Variants in CABLES2 observed in about 807,000 individuals in gnomAD.
CABLES2 encodes Cdk5 and Abl enzyme substrate 2.
In CABLES2, 35 loss-of-function variants were observed where a neutral mutation model predicts 44.8. That is an observed-to-expected ratio of 0.78 (90% CI 0.60 to 1.04). The LOEUF (loss-of-function observed/expected upper bound fraction) is 1.04, where lower values mean the gene tolerates loss of function less well. CABLES2 is among the 50% of genes least tolerant of loss of function. The pLI is 0.00. For synonymous variants in CABLES2, 282 were observed against 281.1 expected (o/e 1.00, Z -0.03); for missense variants, 566 against 615.7 (o/e 0.92, Z 0.85).
chr20:62,397,924 T>TGGG (rs779682323), intron 1 of CABLES2, among the ~76,000 whole-genome samples: 1 of 101,308 alleles, frequency 9.9e-6, no homozygotes, highest in Admixed American at 1.0e-4. Flanking sequence ...GCAGTGGTGA[T>TGGG]GGTGGTGGTG....
At position 62,391,386 on chromosome 20, in the gene CABLES2, A is replaced by C; in HGVS notation, c.1159T>G (p.Tyr387Asp). 1 of 1,613,452 alleles carries C rather than the reference A, an allele frequency of 6.2e-7. No homozygotes were observed. Among genetic ancestry groups the C allele is most frequent in the Non-Finnish European group, 8.5e-7 (1 of 1,180,022 alleles). The change falls in exon 9 of 10, where the codon TAC (tyrosine) becomes GAC (aspartate). Residue 387 changes from tyrosine (Y) to aspartate (D), a missense_variant. Tyr to Asp is a radical substitution (Grantham distance 160, BLOSUM62 -3). This residue lies in a region of CABLES2 where 436 missense variants were observed against 536.3 expected (regional missense o/e 0.81). Transcript: ENST00000279101. This position sits in a 1 kb window ranked among gnomAD's most constrained non-coding sequence, Gnocchi z 5.7. ...AGGACCAGCTTCTCAAAGTACACGT[A>C]GGCCATGGCCACCGTCACGGGCTCC... The part of the protein sequence containing the change: ...SLEPVTVAMA[Y>D]VYFEKLVLQG...
At chr20:62,401,293 C>A (rs138285809) in intron 1 of CABLES2, among the ~76,000 whole-genome samples, 1 of 152,230 alleles carries the variant, frequency 6.6e-6, no homozygotes, top group Non-Finnish European at 1.5e-5. Flanking sequence ...GCCGCTTTGG[C>A]CTTCCCTTCC....
chr20:62,397,931 GGTGGTGATGGTGGTGACGGTA>G (rs1988054628), intron 1 of CABLES2, among the ~76,000 whole-genome samples: 1 of 95,274 alleles, frequency 1.0e-5, no homozygotes, highest in Non-Finnish European at 1.9e-5. Flanking sequence ...TGATGGTGGT[GGTGGTGATGGTGGTGACGGTA>G]GTGGTGGTGA....
At chr20:62,395,980 CCCT>C (rs1988011106) in intron 3 of CABLES2, among the ~76,000 whole-genome samples, 2 of 152,254 alleles carry the variant, frequency 1.3e-5, no homozygotes. Context: ...CAAAGCCCAG[CCCT>C]CCTCCCCACA....
rs1987876232 is a variant in CABLES2 at position 62,389,738 on chromosome 20, T to C, written c.*1233A>G. ...AGCAGTCCTTGGTTATTCAGTGTTT[T>C]TGATGAGGCAGCTAGCTGGAGCGCT... On this transcript the variant is annotated 3_prime_UTR_variant, in exon 10 of 10. Coordinates refer to ENST00000279101, the MANE Select transcript of CABLES2 (RefSeq NM_031215.3). 6.6e-6 allele frequency: 1 copy of C among 152,234 alleles called. No individual in the cohort carries two copies. Among genetic ancestry groups the C allele is most frequent in the African/African-American group, 2.4e-5 (1 of 41,456 alleles). 9.4% of individuals were successfully genotyped at this position (152,234 alleles called of 1,614,324 possible).
At chr20:62,398,017 T>C (rs1353877197) in intron 1 of CABLES2, among the ~76,000 whole-genome samples, 10 of 110,290 alleles carry the variant, frequency 9.1e-5, no homozygotes, top group East Asian at 6.4e-4. Flanking sequence ...GTTATGGCGG[T>C]GGTGGTGGTG....
At chr20:62,402,369 G>A (rs985198707) in intron 1 of CABLES2, 1 of 152,222 alleles carries the variant, frequency 6.6e-6, no homozygotes, top group Non-Finnish European at 1.5e-5. Context: ...CTGTGTGTAC[G>A]AGCTGCTCTG....
chr20:62,396,434 CTT>C lies in CABLES2; in HGVS notation c.435-29_435-28del, dbSNP rs764895468. ...TGCAAGGCAAAGGACACAGGTCACT[CTT>C]TTCCTCCCAGGACCCTCTGGCCCCG... On this transcript the variant is annotated intron_variant, in intron 2 of 9. Transcript: ENST00000279101. This position sits in a 1 kb window ranked among gnomAD's most constrained non-coding sequence, Gnocchi z 5.7. The C allele has an allele frequency of 3.1e-6, 5 of 1,613,680 alleles. No individual in the cohort carries two copies. Among genetic ancestry groups the C allele is most frequent in the Non-Finnish European group, 4.2e-6 (5 of 1,179,706 alleles).
chr20:62,393,073 T>C (rs1987950062), intron 6 of CABLES2, 50 bp from the exon 7 acceptor site: 1 of 1,523,384 alleles, frequency 6.6e-7, no homozygotes, highest in South Asian at 1.1e-5. Context: ...GCAGTACCCA[T>C]CTAGCCCCAA....
rs1987955306 is a variant in CABLES2 at position 62,393,373 on chromosome 20, TC to T, written c.880+66del. The stretch of plus-strand genomic sequence containing the variant: ...AAGGGGCTTGCTGATGCTGCTGCAG[TC>T]CCTGGGCCGTGGTTAAGGCACGCGG... On this transcript the variant is annotated intron_variant, in intron 6 of 9. Coordinates refer to ENST00000279101, the MANE Select transcript of CABLES2 (RefSeq NM_031215.3). The T allele has an allele frequency of 1.7e-5, 25 of 1,474,820 alleles. 1 individual carries two copies. The South Asian group carries it at 3.3e-4, about 19-fold the overall frequency. 91.4% of individuals were successfully genotyped at this position (1,474,820 alleles called of 1,614,324 possible). A position where few individuals can be genotyped will look rare whatever the true frequency, so the allele number is the denominator to read the frequency against.
At chr20:62,397,924 T>TGGA (rs779682323) in intron 1 of CABLES2, among the ~76,000 whole-genome samples, 1 of 101,308 alleles carries the variant, frequency 9.9e-6, no homozygotes, top group East Asian at 2.3e-4. Context: ...GCAGTGGTGA[T>TGGA]GGTGGTGGTG....
At position 62,391,286 on chromosome 20, in the gene CABLES2, C is replaced by G. The variant is rs764028051; in HGVS notation, c.1259G>C (p.Ser420Thr). The G allele has an allele frequency of 6.2e-7, 1 of 1,612,880 alleles. No homozygotes were observed. Among genetic ancestry groups the G allele is most frequent in the Non-Finnish European group, 8.5e-7 (1 of 1,179,952 alleles). ...CGTCACGCCGCTCTTGCGCAGGTCA[C>G]TGCTGATCTTGGCAGCCAGCAGCAC... is the stretch of plus-strand genomic sequence containing the variant. ...ACVLLAAKIS[S>T]DLRKSGVTQL... Residue 420 changes from serine (S) to threonine (T), a missense_variant, in exon 9 of 10, where the codon AGT (serine) becomes ACT (threonine). This residue lies in a region of CABLES2 where 436 missense variants were observed against 536.3 expected (regional missense o/e 0.81). Transcript: ENST00000279101. This position sits in a 1 kb window ranked among gnomAD's most constrained non-coding sequence, Gnocchi z 5.7.
At chr20:62,397,053 C>T (rs927133) in intron 1 of CABLES2, among the ~76,000 whole-genome samples, 66,528 of 151,992 alleles carry the variant, frequency 0.44, 16,024 homozygotes, top group African/African-American at 0.63. Flanking sequence ...GGGTGGGCAC[C>T]GGGCACCCCT....
chr20:62,407,185 G>A lies in CABLES2; in HGVS notation c.92C>T (p.Ala31Val). 1.0e-6 allele frequency: 1 copy of A among 990,478 alleles called. No individual in the cohort carries two copies. Among genetic ancestry groups the A allele is most frequent in the African/African-American group, 1.8e-5 (1 of 56,844 alleles). 61.4% of individuals were successfully genotyped at this position (990,478 alleles called of 1,614,324 possible). A position where few individuals can be genotyped will look rare whatever the true frequency, so the allele number is the denominator to read the frequency against. The change falls in exon 1 of 10, where the codon GCC becomes GTC. Residue 31 changes from alanine to valine, a missense_variant. Physicochemically the swap from Ala to Val is moderately conservative, Grantham distance 64 (BLOSUM62 0). Coordinates refer to ENST00000279101, the MANE Select transcript of CABLES2 (RefSeq NM_031215.3). ...GCGCCTCCGCAGCGCCTGCGGCGGG[G>A]CCCGAGCGGCCGAGGTCGGCGCGGC... ...PPAAPTSAAR[A>V]PPQALRRRGD...
Position 62,396,635 on chromosome 20 carries a change from GGTGCCGCCTTTGTGGCCAGAAACCGA to G in CABLES2, c.363-69_363-44del, listed in dbSNP as rs752644361. The G allele has an allele frequency of 1.9e-5, 30 of 1,575,088 alleles. No individual in the cohort carries two copies. The highest frequency in any genetic ancestry group is 2.5e-5 in the Non-Finnish European group (29 of 1,159,042). ...AGCCTCAAAACAGGCCACCAGCCCGGGTGCCGCCTTTGTGGCCAGAAACCGAGTGCCGCCCGCTGTGCAGGGAAGGG... is the reference window on the plus strand; with the variant it reads ...AGCCTCAAAACAGGCCACCAGCCCGGGTGCCGCCCGCTGTGCAGGGAAGGG... On this transcript the variant is annotated intron_variant, in intron 1 of 9. Transcript: ENST00000279101. The surrounding 1 kb of genome is among the most constrained non-coding windows in gnomAD (Gnocchi z 5.7).
Position 62,396,189 on chromosome 20 carries a change from A to G in CABLES2, c.527+126T>C. 1.3e-6 allele frequency: 1 copy of G among 779,728 alleles called. No individual in the cohort carries two copies. The highest frequency in any genetic ancestry group is 1.5e-5 in the South Asian group (1 of 66,748). The allele number at this position is 779,728 out of a possible 1,614,324, so 48.3% of individuals were successfully genotyped here. On this transcript the variant is annotated intron_variant, in intron 3 of 9. Transcript: ENST00000279101. This position sits in a 1 kb window ranked among gnomAD's most constrained non-coding sequence, Gnocchi z 5.7. The stretch of plus-strand genomic sequence containing the variant: ...GGTGGGGAGGAGGGCCCACCTCTAG[A>G]GGTGTGGAGTGTGGGGTGGGCGGGA...
intron 1 of CABLES2, chr20:62,405,749 C>T (rs944595424): frequency 3.3e-5 from 5 of 152,258 alleles, no homozygotes; most frequent in South Asian, 2.1e-4. Flanking sequence ...AGCTCTGTGT[C>T]GGCCCCTTTG....
rs187621574 is a variant in CABLES2 at position 62,391,996 on chromosome 20, G to A, written c.1091+393C>T. Among the ~76,000 whole-genome samples the A allele has an allele frequency of 2.6e-4, 40 of 152,220 alleles. No homozygotes were observed. The highest frequency in any genetic ancestry group is 2.0e-3 in the Admixed American group (30 of 15,288). On this transcript the variant is annotated intron_variant, in intron 8 of 9. Coordinates refer to ENST00000279101, the MANE Select transcript of CABLES2 (RefSeq NM_031215.3). The surrounding 1 kb of genome is among the most constrained non-coding windows in gnomAD (Gnocchi z 5.7). ...AGAGGCACACCTGGACGGCCTTGGC[G>A]AGCACCCAGCATGCCTGGATGGGGG...
intron 5 of CABLES2, 117 bp from the exon 6 acceptor site, chr20:62,393,722 G>C: frequency 8.8e-7 from 1 of 1,136,352 alleles, no homozygotes; most frequent in South Asian, 1.6e-5. Context: ...GAAAATGAAG[G>C]GAACAACTCA....
Sources: allele counts gnomAD v4.1 joint callset (sites outside exome capture counted in the v4.1 genomes callset), GRCh38; gene constraint gnomAD v4.1.1; regional missense constraint gnomAD v4.1.1; non-coding constraint Gnocchi (gnomAD v3.1); transcripts MANE v1.5; gene names NCBI Gene and HGNC (gene_info 2026-07-23, HGNC 2026-07-21).